The following RGS6 variants were observed in gnomAD, a reference collection of about 807,000 sequenced individuals.
The protein encoded by RGS6 is regulator of G-protein signaling 6.
In RGS6, 30 loss-of-function variants were observed where a neutral mutation model predicts 78.5. The observed-to-expected ratio is 0.38, with a 90% CI of 0.29 to 0.52. RGS6 has a LOEUF of 0.52. RGS6 is among the 20% of genes least tolerant of loss of function. RGS6 has a pLI of 0.85. For synonymous variants in RGS6, 206 were observed against 206.0 expected (o/e 1.00, Z 0.00); for missense variants, 495 against 609.7 (o/e 0.81, Z 1.98).
At position 72,565,933 on chromosome 14, in the gene RGS6, C is replaced by CT. The variant is rs2097708137; in HGVS notation, c.*3467dup. 1 of 152,096 alleles carries CT rather than the reference C, an allele frequency of 6.6e-6. No homozygotes were observed. The highest frequency in any genetic ancestry group is 6.6e-5 in the Admixed American group (1 of 15,266). The allele number at this position is 152,096 out of a possible 1,614,324, so 9.4% of individuals were successfully genotyped here. ...CAGAATGTATTGGAGGGAGGTGTTG[C>CT]TGCAAGGTCCAGGAGCTGGGAAACT... On this transcript the variant is annotated 3_prime_UTR_variant, in exon 18 of 18. Coordinates refer to ENST00000553525, the MANE Select transcript of RGS6 (RefSeq NM_001204424.2).
At chr14:72,493,076 A>T (rs1019537179) in intron 12 of RGS6, among the ~76,000 whole-genome samples, 2 of 152,182 alleles carry the variant, frequency 1.3e-5, no homozygotes, top group African/African-American at 2.4e-5. Context: ...TATGACAATG[A>T]AGCCCATCAG....
chr14:72,489,307 G>T (rs372818793), intron 12 of RGS6, among the ~76,000 whole-genome samples: 1 of 152,200 alleles, frequency 6.6e-6, no homozygotes, highest in Non-Finnish European at 1.5e-5. Flanking sequence ...ACAGGATTTC[G>T]GTTTTCTGCT....
intron 2 of RGS6, among the ~76,000 whole-genome samples, chr14:72,048,519 CT>C (rs1306280552): frequency 6.6e-6 from 1 of 152,056 alleles, no homozygotes; most frequent in Non-Finnish European, 1.5e-5. Context: ...GCTGATTTTC[CT>C]TTTGAATCAG....
chr14:72,265,260 A>G (rs541897641), intron 2 of RGS6, among the ~76,000 whole-genome samples: 16 of 152,300 alleles, frequency 1.1e-4, no homozygotes, highest in South Asian at 2.1e-4. Flanking sequence ...CCTTGCATAC[A>G]TGACGGATCA....
At chr14:71,906,695 A>G in the RGS6 span, among the ~76,000 whole-genome samples, 2 of 127,340 alleles carry the variant, frequency 1.6e-5, no homozygotes, top group Non-Finnish European at 3.6e-5. Context: ...GAGGAAGGGT[A>G]TATACAAGGT....
intron 14 of RGS6, among the ~76,000 whole-genome samples, chr14:72,512,716 G>T (rs1213819694): frequency 6.6e-6 from 1 of 152,338 alleles, no homozygotes; most frequent in East Asian, 1.9e-4. Context: ...AGCATAACTG[G>T]ATACATGGTG....
chr14:72,162,316 G>A (rs995781936), intron 2 of RGS6, among the ~76,000 whole-genome samples: 13 of 152,156 alleles, frequency 8.5e-5, no homozygotes, highest in African/African-American at 2.4e-4. Context: ...TGAAAAGAGT[G>A]GACCCTGACC....
At chr14:72,526,879 G>A (rs1792444006) in intron 15 of RGS6, among the ~76,000 whole-genome samples, 1 of 152,212 alleles carries the variant, frequency 6.6e-6, no homozygotes, top group Non-Finnish European at 1.5e-5. Context: ...GTGCTGTCCT[G>A]CAAGAACCGT....
At chr14:72,029,684 G>A (rs150794639) in intron 2 of RGS6, among the ~76,000 whole-genome samples, 2 of 152,286 alleles carry the variant, frequency 1.3e-5, no homozygotes, top group African/African-American at 4.8e-5. Flanking sequence ...CCTGGTAGAA[G>A]TGTTCCCCTA....
chr14:72,258,775 G>A (rs1417373348), intron 2 of RGS6, among the ~76,000 whole-genome samples: 4 of 152,190 alleles, frequency 2.6e-5, no homozygotes, highest in African/African-American at 9.7e-5. Flanking sequence ...AAGTGGACCT[G>A]TGGGTTTGTA....
At chr14:72,182,232 AC>A (rs1289334078) in intron 2 of RGS6, among the ~76,000 whole-genome samples, 1 of 151,748 alleles carries the variant, frequency 6.6e-6, no homozygotes, top group Non-Finnish European at 1.5e-5. Flanking sequence ...ACATGGTGAA[AC>A]CCCATCTCTA....
At chr14:71,958,875 G>A (rs1188951496) in intron 1 of RGS6, among the ~76,000 whole-genome samples, 1 of 152,196 alleles carries the variant, frequency 6.6e-6, no homozygotes, top group Non-Finnish European at 1.5e-5. Context: ...CCGGGAGTAT[G>A]TATATTTAGA....
At chr14:72,213,458 C>T (rs1440293544) in intron 2 of RGS6, among the ~76,000 whole-genome samples, 1 of 152,144 alleles carries the variant, frequency 6.6e-6, no homozygotes, top group Non-Finnish European at 1.5e-5. Flanking sequence ...ATTAGCTGAA[C>T]GTTTACCCCC....
intron 2 of RGS6, among the ~76,000 whole-genome samples, chr14:72,228,166 G>A (rs67327215): frequency 0.11 from 17,484 of 152,038 alleles, 1,273 homozygotes; most frequent in East Asian, 0.34. Flanking sequence ...ATAACTTGAG[G>A]CCAGGAGTTC....
chr14:72,162,647 A>G (rs1282752797), intron 2 of RGS6, among the ~76,000 whole-genome samples: 1 of 152,232 alleles, frequency 6.6e-6, no homozygotes, highest in Non-Finnish European at 1.5e-5. Flanking sequence ...ACTACTGGGT[A>G]TCTACCGAGA....
At chr14:72,086,101 A>C (rs959499067) in intron 2 of RGS6, among the ~76,000 whole-genome samples, 23 of 152,272 alleles carry the variant, frequency 1.5e-4, no homozygotes, top group African/African-American at 5.5e-4. Context: ...AAATGTCAGG[A>C]ATAAAATGCA....
intron 2 of RGS6, among the ~76,000 whole-genome samples, chr14:72,117,049 C>T (rs186007322): frequency 2.6e-5 from 4 of 151,400 alleles, no homozygotes; most frequent in South Asian, 2.1e-4. Context: ...AAGCCCTTGC[C>T]GAGGAAGGGC....
At chr14:72,107,738 G>A (rs2095663871) in intron 2 of RGS6, among the ~76,000 whole-genome samples, 1 of 152,040 alleles carries the variant, frequency 6.6e-6, no homozygotes, top group African/African-American at 2.4e-5. Flanking sequence ...AACGTCTTCT[G>A]TATGGCATCT....
the RGS6 span, among the ~76,000 whole-genome samples, chr14:72,571,691 A>G: frequency 6.6e-6 from 1 of 152,250 alleles, no homozygotes; most frequent in African/African-American, 2.4e-5. Flanking sequence ...TGGATAGAAG[A>G]GCTAATACTA....
Sources: allele counts gnomAD v4.1 joint callset (sites outside exome capture counted in the v4.1 genomes callset), GRCh38; gene constraint gnomAD v4.1.1; transcripts MANE v1.5; gene names NCBI Gene and HGNC (gene_info 2026-07-23, HGNC 2026-07-21).